ANKRD28: variants seen among roughly 807,000 people sequenced by gnomAD.
ANKRD28 encodes ankyrin repeat domain 28, also known as serine/threonine-protein phosphatase 6 regulatory ankyrin repeat subunit A.
ANKRD28 carries 44 observed loss-of-function variants against 126.5 expected under a neutral mutation model. The observed-to-expected ratio is 0.35, with a 90% CI of 0.27 to 0.45. The LOEUF (loss-of-function observed/expected upper bound fraction) is 0.45, where lower values mean the gene tolerates loss of function less well. Ranked by LOEUF, ANKRD28 falls within the 20% of genes least tolerant of loss-of-function variation. The pLI is 1.00. For missense variants in ANKRD28, 1,110 were observed against 1,316.6 expected (o/e 0.84, Z 2.43); for synonymous variants, 442 against 468.5 (o/e 0.94, Z 0.73).
chr3:15,669,369 T>C lies in ANKRD28; in HGVS notation c.*901A>G, dbSNP rs985872922. On this transcript the variant is annotated 3_prime_UTR_variant, in exon 28 of 28. Transcript: ENST00000683139. ...ATGCCCCAGGACCACTTAGCTGCAA[T>C]AGGGTGAAATAGTCTACTTTTTGAT... 2 of 152,182 alleles carry C rather than the reference T, an allele frequency of 1.3e-5. No homozygotes were observed. The highest frequency in any genetic ancestry group is 1.3e-4 in the Admixed American group (2 of 15,274). The allele number at this position is 152,182 out of a possible 1,614,324, so 9.4% of individuals were successfully genotyped here.
intron 7 of ANKRD28, among the ~76,000 whole-genome samples, chr3:15,723,619 C>T (rs1428534789): frequency 6.6e-6 from 1 of 151,796 alleles, no homozygotes; most frequent in African/African-American, 2.4e-5. Flanking sequence ...AGCAAGACCT[C>T]ATCTCTACAA....
chr3:15,795,407 C>A lies in ANKRD28; in HGVS notation c.118-101G>T. ...AATCTACAAGTTTTCTTCCCTGTAG[C>A]AATAATCACTTTTGACATTAGCCAG... On this transcript the variant is annotated intron_variant, in intron 1 of 27. Transcript: ENST00000683139. The A allele has an allele frequency of 1.2e-5, 9 of 734,520 alleles. No homozygotes were observed. The South Asian group carries it at 1.4e-4, about 12-fold the overall frequency. 45.5% of individuals were successfully genotyped at this position (734,520 alleles called of 1,614,324 possible). A position where few individuals can be genotyped will look rare whatever the true frequency, so the allele number is the denominator to read the frequency against.
chr3:15,805,849 C>T (rs772674990), intron 1 of ANKRD28, among the ~76,000 whole-genome samples: 12 of 152,118 alleles, frequency 7.9e-5, no homozygotes, highest in Non-Finnish European at 1.5e-4. Flanking sequence ...CCAAGGAATT[C>T]CCGAAAGTAC....
At chr3:15,802,024 T>G (rs577820212), upstream of ANKRD28, among the ~76,000 whole-genome samples, 1 of 152,336 alleles carries the variant, frequency 6.6e-6, no homozygotes, top group East Asian at 1.9e-4. Flanking sequence ...ATGTGTTTTC[T>G]GCAGAGATCT....
At chr3:15,825,464 G>T (rs1439738919) in intron 1 of ANKRD28, among the ~76,000 whole-genome samples, 2 of 152,144 alleles carry the variant, frequency 1.3e-5, no homozygotes, top group Non-Finnish European at 2.9e-5. Flanking sequence ...TCGGGGCGGT[G>T]GGGGAGGAAG....
At chr3:15,737,522 G>GA (rs1553613116) in intron 4 of ANKRD28, among the ~76,000 whole-genome samples, 5 of 146,426 alleles carry the variant, frequency 3.4e-5, no homozygotes, top group African/African-American at 7.5e-5. Context: ...AAATGTGCAA[G>GA]AGAGCAATCA....
intron 1 of ANKRD28, among the ~76,000 whole-genome samples, chr3:15,821,470 C>T (rs950804032): frequency 6.6e-6 from 1 of 152,074 alleles, no homozygotes; most frequent in East Asian, 1.9e-4. Flanking sequence ...AGATAATGAA[C>T]ATTATATCTA....
chr3:15,815,579 T>A lies in ANKRD28; in HGVS notation c.28-20273A>T, dbSNP rs2060815992. The stretch of plus-strand genomic sequence containing the variant: ...TCCCAAAGTGCTGGGGTTACATGAG[T>A]GAGCCACTGCACCACCCACACACTT... On this transcript the variant is annotated intron_variant, in intron 1 of 27. Transcript: ENST00000399451. This position sits in a 1 kb window ranked among gnomAD's most constrained non-coding sequence, Gnocchi z 4.1. Among the ~76,000 whole-genome samples, 1 of 152,134 alleles carries A rather than the reference T, an allele frequency of 6.6e-6. No individual in the cohort carries two copies. Among genetic ancestry groups the A allele is most frequent in the African/African-American group, 2.4e-5 (1 of 41,410 alleles).
At position 15,711,184 on chromosome 3, in the gene ANKRD28, A is replaced by G. The variant is rs1188814761; in HGVS notation, c.1337+27T>C. 7.0e-6 allele frequency: 11 copies of G among 1,581,310 alleles called. No homozygotes were observed. In the East Asian group the frequency reaches 2.0e-4, roughly 29 times the overall value. ...CTGCCATGACCAGCTATCTTTTCTTAAAGAAATAAAAATACTATTAACATA... is the reference window on the plus strand; with the variant it reads ...CTGCCATGACCAGCTATCTTTTCTTGAAGAAATAAAAATACTATTAACATA... On this transcript the variant is annotated intron_variant, in intron 12 of 27. Transcript: ENST00000683139.
intron 21 of ANKRD28, chr3:15,684,892 G>C (rs534217493): frequency 2.0e-5 from 5 of 251,076 alleles, no homozygotes; most frequent in African/African-American, 4.6e-5. Context: ...GGGAGGCTGA[G>C]GTGGGAGGAT....
At chr3:15,819,533 CA>C (rs1328304105) in intron 1 of ANKRD28, among the ~76,000 whole-genome samples, 5 of 152,064 alleles carry the variant, frequency 3.3e-5, no homozygotes, top group Admixed American at 3.3e-4. Flanking sequence ...TAGGTATAAA[CA>C]AAATAATATT....
At chr3:15,687,056 C>T (rs1332730496) in intron 18 of ANKRD28, among the ~76,000 whole-genome samples, 1 of 151,810 alleles carries the variant, frequency 6.6e-6, no homozygotes, top group Non-Finnish European at 1.5e-5. Context: ...CAATTCTCTG[C>T]CTCAGCCTCC....
At chr3:15,798,131 T>C, upstream of ANKRD28, 3 of 985,374 alleles carry the variant, frequency 3.0e-6, no homozygotes, top group Non-Finnish European at 3.6e-6. Context: ...GCTTTTAACA[T>C]TTTCCACTAA....
Position 15,667,465 on chromosome 3 carries a change from A to G in ANKRD28, c.*2805T>C, listed in dbSNP as rs756678414. The stretch of plus-strand genomic sequence containing the variant: ...ATATTTCAGATGTCATCTTTTATGT[A>G]TAAGTTAAATAAAGCAAACAGGCTT... On this transcript the variant is annotated 3_prime_UTR_variant, in exon 28 of 28. Coordinates refer to ENST00000683139, the MANE Select transcript of ANKRD28 (RefSeq NM_001349278.2). 4 of 152,356 alleles carry G rather than the reference A, an allele frequency of 2.6e-5. No homozygotes were observed. The highest frequency in any genetic ancestry group is 3.4e-3 in the Middle Eastern group (1 of 294). 9.4% of individuals were successfully genotyped at this position (152,356 alleles called of 1,614,324 possible). A position where few individuals can be genotyped will look rare whatever the true frequency, so the allele number is the denominator to read the frequency against.
chr3:15,708,120 C>A, intron 13 of ANKRD28, 56 bp from the exon 14 acceptor site: 5 of 1,538,780 alleles, frequency 3.2e-6, no homozygotes, highest in Non-Finnish European at 4.4e-6. Context: ...AACTAGTAAA[C>A]AAAAGCATAG....
In ANKRD28 at chr3:15,678,192, T is replaced by C. The variant is rs1553576586; in HGVS notation, c.2707+17A>G. The stretch of plus-strand genomic sequence containing the variant: ...ACACATACTTAGGAAAATACAATTT[T>C]AAAGAAGTTTCTTTACCAACTGTAT... On this transcript the variant is annotated intron_variant, in intron 24 of 27. Transcript: ENST00000683139. 1.9e-6 allele frequency: 3 copies of C among 1,596,814 alleles called. No homozygotes were observed. Among genetic ancestry groups the C allele is most frequent in the Admixed American group, 3.4e-5 (2 of 57,976 alleles).
At chr3:15,721,863 G>A (rs2073769284) in intron 7 of ANKRD28, among the ~76,000 whole-genome samples, 2 of 152,034 alleles carry the variant, frequency 1.3e-5, no homozygotes, top group Non-Finnish European at 2.9e-5. Flanking sequence ...TCCTGCCTCA[G>A]CCTCCTGAGT....
At chr3:15,720,860 T>C in intron 8 of ANKRD28, 55 bp downstream of exon 8, 2 of 1,485,892 alleles carry the variant, frequency 1.3e-6, no homozygotes. Context: ...TCACCATTGA[T>C]GTTGTTTTAA....
chr3:15,775,426 T>C (rs1024587188), intron 2 of ANKRD28, among the ~76,000 whole-genome samples: 2 of 152,170 alleles, frequency 1.3e-5, no homozygotes, highest in Non-Finnish European at 2.9e-5. Flanking sequence ...TCTAATTCCA[T>C]TTAATCCTGA....
Sources: gnomAD v4.1 joint callset for allele counts (sites outside exome capture counted in the v4.1 genomes callset) on GRCh38, gnomAD v4.1.1 for gene constraint, Gnocchi (gnomAD v3.1) non-coding constraint, MANE v1.5 for transcripts, NCBI Gene and HGNC (gene_info 2026-07-23, HGNC 2026-07-21) for gene names.